Variants in GPC6 observed in about 807,000 individuals in gnomAD.
GPC6 encodes the protein glypican-6.
Under a neutral mutation model 55.2 loss-of-function variants are expected in GPC6, and 14 were observed. The ratio of observed to expected loss-of-function variants is 0.25; its 90% CI spans 0.17 to 0.40. The LOEUF is 0.40. Ranked by LOEUF, GPC6 falls within the 10% of genes least tolerant of loss-of-function variation. The pLI is 1.00. For missense variants in GPC6, 641 were observed against 708.5 expected, an observed-to-expected ratio of 0.90 and a Z score of 1.08; for synonymous variants, 278 against 259.6, an observed-to-expected ratio of 1.07 and a Z score of -0.68.
chr13:93,915,175 C>T (rs1877222131), intron 3 of GPC6, among the ~76,000 whole-genome samples: 1 of 152,196 alleles, frequency 6.6e-6, no homozygotes, highest in Non-Finnish European at 1.5e-5. Flanking sequence ...GAGTCATTAG[C>T]TGTCATTTAT....
chr13:93,915,141 C>G (rs1286819008), intron 3 of GPC6, among the ~76,000 whole-genome samples: 1 of 152,220 alleles, frequency 6.6e-6, no homozygotes, highest in Non-Finnish European at 1.5e-5. Flanking sequence ...GCTGTTGTCT[C>G]TCTTTCTCTG....
chr13:93,835,525 G>A (rs1887700031), intron 3 of GPC6, among the ~76,000 whole-genome samples: 1 of 152,164 alleles, frequency 6.6e-6, no homozygotes, highest in Non-Finnish European at 1.5e-5. Flanking sequence ...GGCCGAGACA[G>A]GCAGATTACC....
intron 1 of GPC6, among the ~76,000 whole-genome samples, chr13:93,540,442 T>G (rs1882247005): frequency 6.6e-6 from 1 of 152,186 alleles, no homozygotes; most frequent in Non-Finnish European, 1.5e-5. Flanking sequence ...GTTTATCATT[T>G]TCAAGAATAA....
intron 1 of GPC6, among the ~76,000 whole-genome samples, chr13:93,305,100 G>C (rs757265048): frequency 6.6e-6 from 1 of 152,142 alleles, no homozygotes; most frequent in Non-Finnish European, 1.5e-5. Flanking sequence ...AGTTCCAGCA[G>C]GAGCTCTTAA....
intron 2 of GPC6, among the ~76,000 whole-genome samples, chr13:93,690,885 C>A (rs1420038811): frequency 8.6e-5 from 13 of 152,020 alleles, no homozygotes. Context: ...AAATGATCAT[C>A]CCAAATAACT....
intron 3 of GPC6, among the ~76,000 whole-genome samples, chr13:93,846,550 C>T (rs540089610): frequency 1.3e-5 from 2 of 152,276 alleles, no homozygotes; most frequent in South Asian, 4.1e-4. Flanking sequence ...CGGTGGCTCA[C>T]GCCTGTAATC....
rs1388186696 is a variant in GPC6 at position 93,321,586 on chromosome 13, CA to C, written c.160+93971del. On this transcript the variant is annotated intron_variant, in intron 1 of 8. Coordinates refer to ENST00000377047, the MANE Select transcript of GPC6 (RefSeq NM_005708.5). ...AGCAATAACAATAGAATCAGAGGTT[CA>C]GAGAATTAGGGTTGAAATGGACCTT... 2.0e-5 allele frequency among the ~76,000 whole-genome samples: 3 copies of C among 152,096 alleles called. No individual in the cohort carries two copies. In the East Asian group the frequency reaches 5.8e-4, roughly 29 times the overall value.
At chr13:93,669,934 A>T (rs1028872994) in intron 2 of GPC6, among the ~76,000 whole-genome samples, 3 of 152,186 alleles carry the variant, frequency 2.0e-5, no homozygotes, top group African/African-American at 7.2e-5. Context: ...ATTTAGCAAC[A>T]TATTTGCCTG....
intron 1 of GPC6, among the ~76,000 whole-genome samples, chr13:93,514,736 G>A (rs939797855): frequency 5.3e-5 from 8 of 152,148 alleles, no homozygotes; most frequent in Admixed American, 5.2e-4. Flanking sequence ...GGCTTTAAAA[G>A]TCAGACTGGG....
chr13:94,033,814 G>A (rs1883226263), intron 4 of GPC6, among the ~76,000 whole-genome samples: 1 of 152,038 alleles, frequency 6.6e-6, no homozygotes, highest in Admixed American at 6.6e-5. Flanking sequence ...AAACCCAAGA[G>A]CTGTATATAG....
intron 2 of GPC6, among the ~76,000 whole-genome samples, chr13:93,586,278 C>G (rs60509920): frequency 0.063 from 9,593 of 152,190 alleles, 967 homozygotes; most frequent in African/African-American, 0.21. Flanking sequence ...CATATCCCTG[C>G]AAAGGACATG....
chr13:93,936,390 C>T (rs565964605), intron 3 of GPC6, among the ~76,000 whole-genome samples: 30 of 151,350 alleles, frequency 2.0e-4, no homozygotes, highest in Non-Finnish European at 3.2e-4. Context: ...AATGTGTGTG[C>T]GGGCATGTGT....
chr13:94,036,884 A>G (rs1387099021), intron 4 of GPC6, among the ~76,000 whole-genome samples: 1 of 151,930 alleles, frequency 6.6e-6, no homozygotes, highest in Non-Finnish European at 1.5e-5. Flanking sequence ...GTTCAACTAA[A>G]CAGCTCTTTG....
At chr13:93,712,789 G>T (rs1883116957) in intron 2 of GPC6, among the ~76,000 whole-genome samples, 1 of 150,954 alleles carries the variant, frequency 6.6e-6, no homozygotes, top group Admixed American at 6.6e-5. Flanking sequence ...AATTACTTTT[G>T]CACCAATCAA....
intron 3 of GPC6, among the ~76,000 whole-genome samples, chr13:93,956,266 G>T (rs1167938726): frequency 6.6e-6 from 1 of 151,824 alleles, no homozygotes; most frequent in Non-Finnish European, 1.5e-5. Flanking sequence ...TGCAAGCAAG[G>T]TACATAGTAC....
chr13:94,363,646 T>A (rs1013642847), intron 6 of GPC6, among the ~76,000 whole-genome samples: 1 of 152,186 alleles, frequency 6.6e-6, no homozygotes, highest in Non-Finnish European at 1.5e-5. Context: ...CCCCCTCTCC[T>A]GACGTGCTTA....
chr13:94,293,539 C>T (rs1488008557), intron 5 of GPC6, among the ~76,000 whole-genome samples: 2 of 152,160 alleles, frequency 1.3e-5, no homozygotes, highest in African/African-American at 4.8e-5. Flanking sequence ...GTAAATTACC[C>T]AGTCTTGGGC....
rs1202956633 is a variant in GPC6, at chr13:93,789,503, C to CTATATA, written c.320-40650_320-40649insATATAT. Among the ~76,000 whole-genome samples the CTATATA allele has an allele frequency of 2.3e-4, 18 of 78,546 alleles. No individual in the cohort carries two copies. The East Asian group carries it at 5.6e-3, about 24-fold the overall frequency. 51.5% of individuals were successfully genotyped at this position (78,546 alleles called of 152,430 possible). A position where few individuals can be genotyped will look rare whatever the true frequency, so the allele number is the denominator to read the frequency against. On this transcript the variant is annotated intron_variant, in intron 2 of 8. Coordinates refer to ENST00000377047, the MANE Select transcript of GPC6 (RefSeq NM_005708.5). ...GTGAACTCTCTCTCTCTCTCTCTCT[C>CTATATA]TCTCTCTATATATATATATATATAT...
chr13:93,769,997 C>T (rs1349418678), intron 2 of GPC6, among the ~76,000 whole-genome samples: 1 of 152,108 alleles, frequency 6.6e-6, no homozygotes, highest in Non-Finnish European at 1.5e-5. Flanking sequence ...TGCCAAGGAA[C>T]GAAGGATTTC....
Sources: allele counts gnomAD v4.1 joint callset (sites outside exome capture counted in the v4.1 genomes callset), GRCh38; gene constraint gnomAD v4.1.1; transcripts MANE v1.5; gene names NCBI Gene and HGNC (gene_info 2026-07-23, HGNC 2026-07-21).